MRAP: variants seen among roughly 807,000 people sequenced by gnomAD.
MRAP encodes melanocortin-2 receptor accessory protein.
A neutral mutation model predicts 8.7 loss-of-function variants in MRAP; 8 were observed. The ratio of observed to expected loss-of-function variants is 0.92; its 90% CI spans 0.54 to 1.66. The LOEUF (loss-of-function observed/expected upper bound fraction) is 1.66. Among genes scored for constraint, MRAP ranks in the 40% most tolerant of loss-of-function variants. The pLI is 0.00. For synonymous variants in MRAP, 95 were observed against 95.5 expected (o/e 1.00, Z 0.03); for missense variants, 237 against 217.1 (o/e 1.09, Z -0.58).
upstream of MRAP, among the ~76,000 whole-genome samples, chr21:32,297,621 G>A (rs1221814420): frequency 6.6e-6 from 1 of 152,130 alleles, no homozygotes; most frequent in East Asian, 1.9e-4. Flanking sequence ...TTCTGTGTGT[G>A]AGCCATTCTA....
intron 1 of MRAP, 111 bp downstream of exon 1, chr21:32,299,188 G>A: frequency 1.2e-6 from 1 of 803,188 alleles, no homozygotes; most frequent in East Asian, 2.6e-5. Context: ...TAGACATCAT[G>A]GGAAAGCAGG....
intron 1 of MRAP, among the ~76,000 whole-genome samples, chr21:32,302,267 C>T (rs2032311918): frequency 6.6e-6 from 1 of 152,186 alleles, no homozygotes; most frequent in Admixed American, 6.5e-5. Flanking sequence ...CTGGTTGATA[C>T]CATCTGGATG....
In MRAP at chr21:32,298,871, G is replaced by T. The variant is rs376095313; in HGVS notation, c.-101G>T. The T allele has an allele frequency of 1.1e-5, 9 of 818,816 alleles. No homozygotes were observed. In the African/African-American group the frequency reaches 1.2e-4, roughly 11 times the overall value. 50.7% of individuals were successfully genotyped at this position (818,816 alleles called of 1,614,324 possible). ...TAGAGACCCACAGACACACTTGGAC[G>T]ATTCCTGCAGAAATCAGTGAGGCAG... On this transcript the variant is annotated 5_prime_UTR_variant, in exon 1 of 3. Coordinates refer to ENST00000303645, the MANE Select transcript of MRAP (RefSeq NM_001379228.1).
intron 1 of MRAP, chr21:32,306,426 A>G: frequency 1.6e-6 from 1 of 615,018 alleles, no homozygotes; most frequent in Non-Finnish European, 3.0e-6. Flanking sequence ...CCCCGTGGCC[A>G]GCTGCCCTGA....
chr21:32,311,641 G>A, intron 2 of MRAP, 43 bp from the exon 3 acceptor site: 3 of 1,605,762 alleles, frequency 1.9e-6, no homozygotes, highest in East Asian at 2.2e-5. Context: ...GGACTGTTCT[G>A]CAGCAACTAT....
chr21:32,306,040 T>C (rs1336212164), intron 1 of MRAP, among the ~76,000 whole-genome samples: 2 of 152,096 alleles, frequency 1.3e-5, no homozygotes, highest in African/African-American at 4.8e-5. Flanking sequence ...GCCCCTGAGA[T>C]GAGACTTCCT....
chr21:32,304,965 GTTTT>G lies in MRAP; in HGVS notation c.107-1653_107-1650del, dbSNP rs537525538. 9.9e-4 allele frequency among the ~76,000 whole-genome samples: 77 copies of G among 78,126 alleles called. No individual in the cohort carries two copies. In the Middle Eastern group the frequency reaches 0.024, roughly 24 times the overall value. The allele number at this position is 78,126 out of a possible 152,430, so 51.3% of individuals were successfully genotyped here. A position where few individuals can be genotyped will look rare whatever the true frequency, so the allele number is the denominator to read the frequency against. ...TTGAGGGGGATTTGTTTTTTTTGTT[GTTTT>G]TTTTTTTTTTTTTTTTTTTTTGAGA... On this transcript the variant is annotated intron_variant, in intron 1 of 2. Transcript: ENST00000303645.
At chr21:32,311,540 T>C in intron 2 of MRAP, 144 bp from the exon 3 acceptor site, 1 of 1,218,296 alleles carries the variant, frequency 8.2e-7, no homozygotes, top group Non-Finnish European at 1.1e-6. Flanking sequence ...GTGAGCTGGC[T>C]GACCCTTCTC....
intron 2 of MRAP, among the ~76,000 whole-genome samples, chr21:32,307,101 T>G (rs1483038735): frequency 6.6e-6 from 1 of 152,130 alleles, no homozygotes; most frequent in Non-Finnish European, 1.5e-5. Flanking sequence ...AACATCATGC[T>G]AAGTGAAAGA....
chr21:32,296,502 T>C (rs1467478845), upstream of MRAP, among the ~76,000 whole-genome samples: 2 of 152,170 alleles, frequency 1.3e-5, no homozygotes, highest in Admixed American at 6.5e-5. Flanking sequence ...CGGGGTTACA[T>C]TGTGATAATT....
chr21:32,314,347 G>C, downstream of MRAP: 1 of 484,300 alleles, frequency 2.1e-6, no homozygotes, highest in East Asian at 4.2e-5. Flanking sequence ...ACCATGCCTG[G>C]CTAATTTTTG....
In MRAP at chr21:32,306,836, A is replaced by C. The variant is rs570269983; in HGVS notation, c.206+97A>C. ...TCCCTCATCCAAAATGCTGGAGACC[A>C]GAAGTGTTTCAGATTTGGGATTTAA... is the stretch of plus-strand genomic sequence containing the variant. On this transcript the variant is annotated intron_variant, in intron 2 of 2. Transcript: ENST00000303645. 1.0e-4 allele frequency: 101 copies of C among 972,120 alleles called. No homozygotes were observed. The African/African-American group carries it at 1.4e-3, about 13-fold the overall frequency. 60.2% of individuals were successfully genotyped at this position (972,120 alleles called of 1,614,324 possible).
intron 1 of MRAP, among the ~76,000 whole-genome samples, chr21:32,302,634 C>T (rs2032317916): frequency 6.6e-6 from 1 of 152,202 alleles, no homozygotes; most frequent in Admixed American, 6.5e-5. Flanking sequence ...GCTCATTGCA[C>T]TACCATCCCT....
upstream of MRAP, among the ~76,000 whole-genome samples, chr21:32,294,684 T>C: frequency 6.6e-6 from 1 of 152,210 alleles, no homozygotes; most frequent in East Asian, 1.9e-4. Flanking sequence ...ACAAATGTTT[T>C]AAATTTCAGC....
intron 1 of MRAP, 171 bp from the exon 2 acceptor site, chr21:32,306,469 T>C (rs2032419637): frequency 7.3e-6 from 5 of 683,432 alleles, no homozygotes; most frequent in African/African-American, 1.8e-5. Flanking sequence ...CCCTGTTCTT[T>C]CCCAAAGTTA....
chr21:32,300,858 GGCGTCAT>G (rs1182072068), intron 1 of MRAP, among the ~76,000 whole-genome samples: 1 of 150,584 alleles, frequency 6.6e-6, no homozygotes, highest in Admixed American at 6.6e-5. Flanking sequence ...CTATGTCAGG[GGCGTCAT>G]GCGTCCTATG....
chr21:32,312,041 G>C lies in MRAP; in HGVS notation c.*45G>C. 1 of 1,611,378 alleles carries C rather than the reference G, an allele frequency of 6.2e-7. No homozygotes were observed. Among genetic ancestry groups the C allele is most frequent in the South Asian group, 1.1e-5 (1 of 91,078 alleles). ...TAGCTGAGTGAACTGGTGAAATCAA[G>C]CCAACCTGGACACATACGTTCCTCG... On this transcript the variant is annotated 3_prime_UTR_variant, in exon 3 of 3. Coordinates refer to ENST00000303645, the MANE Select transcript of MRAP (RefSeq NM_001379228.1).
intron 2 of MRAP, among the ~76,000 whole-genome samples, chr21:32,309,812 C>T (rs946408545): frequency 1.2e-4 from 18 of 150,744 alleles, no homozygotes; most frequent in South Asian, 2.1e-4. Context: ...GCATCGTGGC[C>T]GGTGCCTGTA....
chr21:32,294,668 C>A (rs1055837526), upstream of MRAP, among the ~76,000 whole-genome samples: 2 of 151,992 alleles, frequency 1.3e-5, no homozygotes, highest in Non-Finnish European at 2.9e-5. Context: ...TAATCACTTT[C>A]GATAAACAAA....
Sources: gnomAD v4.1 joint callset for allele counts (sites outside exome capture counted in the v4.1 genomes callset) on GRCh38, gnomAD v4.1.1 for gene constraint, MANE v1.5 for transcripts, NCBI Gene and HGNC (gene_info 2026-07-23, HGNC 2026-07-21) for gene names.